Variants in PTPRD observed in about 807,000 individuals in gnomAD.
PTPRD encodes the protein receptor-type tyrosine-protein phosphatase delta.
A neutral mutation model predicts 214.5 loss-of-function variants in PTPRD; 34 were observed. The observed-to-expected ratio is 0.16, with a 90% CI of 0.12 to 0.21. The LOEUF (loss-of-function observed/expected upper bound fraction) is 0.21, where lower values mean the gene tolerates loss of function less well. PTPRD is among the 10% of genes least tolerant of loss of function. PTPRD has a pLI of 1.00. For missense variants in PTPRD, 2,545 were observed against 2,398.7 expected, an observed-to-expected ratio of 1.06 and a Z score of -1.27; for synonymous variants, 1,128 against 845.7, an observed-to-expected ratio of 1.33 and a Z score of -5.79.
At chr9:8,589,300 C>A (rs1305780149) in intron 14 of PTPRD, among the ~76,000 whole-genome samples, 1 of 152,110 alleles carries the variant, frequency 6.6e-6, no homozygotes, top group Admixed American at 6.5e-5. Flanking sequence ...AACCGATAAA[C>A]ACTAAAAGTC....
At chr9:8,690,037 G>C (rs568388328) in intron 12 of PTPRD, among the ~76,000 whole-genome samples, 51 of 151,480 alleles carry the variant, frequency 3.4e-4, no homozygotes, top group Admixed American at 5.9e-4. Context: ...AAGCCCAGGA[G>C]GGGGAGGTTG....
intron 14 of PTPRD, among the ~76,000 whole-genome samples, chr9:8,581,932 A>G: frequency 1.3e-5 from 2 of 148,318 alleles, no homozygotes; most frequent in African/African-American, 2.5e-5. Flanking sequence ...AAAAAAAAAA[A>G]AAAAAAAAAA....
intron 9 of PTPRD, among the ~76,000 whole-genome samples, chr9:9,352,637 A>C (rs890295630): frequency 6.6e-6 from 1 of 151,950 alleles, no homozygotes; most frequent in African/African-American, 2.4e-5. Context: ...AAGAAAAAGC[A>C]AACTCAGAAT....
intron 4 of PTPRD, among the ~76,000 whole-genome samples, chr9:10,000,200 T>C (rs1426592971): frequency 6.6e-6 from 1 of 152,170 alleles, no homozygotes; most frequent in South Asian, 2.1e-4. Context: ...TTTCTGGTAA[T>C]GTACATAAAC....
intron 12 of PTPRD, among the ~76,000 whole-genome samples, chr9:8,717,092 G>A (rs1434948398): frequency 6.6e-6 from 1 of 152,160 alleles, no homozygotes; most frequent in East Asian, 1.9e-4. Context: ...CCAGAAGGCA[G>A]GGGTTGCACC....
intron 33 of PTPRD, chr9:8,454,725 A>T: frequency 1.1e-6 from 1 of 920,916 alleles, no homozygotes; most frequent in Non-Finnish European, 1.7e-6. Context: ...ACTGACATAC[A>T]TTCAGAAGCG....
intron 11 of PTPRD, among the ~76,000 whole-genome samples, chr9:8,992,303 G>T (rs2099375761): frequency 6.6e-6 from 1 of 152,138 alleles, no homozygotes; most frequent in African/African-American, 2.4e-5. Context: ...CTCCATTCTT[G>T]AAATCTTGCT....
At chr9:8,440,899 T>A (rs1306689178) in intron 34 of PTPRD, among the ~76,000 whole-genome samples, 1 of 152,164 alleles carries the variant, frequency 6.6e-6, no homozygotes. Context: ...ACAAGAGGAC[T>A]CAAATCCAGA....
intron 4 of PTPRD, among the ~76,000 whole-genome samples, chr9:10,033,300 G>C (rs563109497): frequency 1.3e-5 from 2 of 151,596 alleles, no homozygotes; most frequent in Admixed American, 6.6e-5. Flanking sequence ...TTGACTTTAT[G>C]GCATAAAATG....
intron 3 of PTPRD, among the ~76,000 whole-genome samples, chr9:10,199,832 T>A (rs906276418): frequency 2.6e-5 from 4 of 151,608 alleles, no homozygotes; most frequent in Non-Finnish European, 5.9e-5. Context: ...AACATTGATA[T>A]CATTAAAGTA....
chr9:9,478,324 T>C lies in PTPRD; in HGVS notation c.-236-80842A>G, dbSNP rs113975368. On this transcript the variant is annotated intron_variant, in intron 8 of 45. Coordinates refer to ENST00000381196, the MANE Select transcript of PTPRD (RefSeq NM_002839.4). ...TAAAATGACAGCATCTTCTTAGTTCTGAAATGCCTTTAAGGTCTTGGATTC... is the reference window on the plus strand; with the variant it reads ...TAAAATGACAGCATCTTCTTAGTTCCGAAATGCCTTTAAGGTCTTGGATTC... Among the ~76,000 whole-genome samples the C allele has an allele frequency of 4.3e-3, 658 of 152,336 alleles. 3 individuals carry two copies. Among genetic ancestry groups the C allele is most frequent in the Middle Eastern group, 0.02 (6 of 294 alleles).
At chr9:8,921,429 G>T (rs879901815) in intron 11 of PTPRD, among the ~76,000 whole-genome samples, 1 of 151,982 alleles carries the variant, frequency 6.6e-6, no homozygotes, top group Non-Finnish European at 1.5e-5. Context: ...CCAGTTTCTG[G>T]ACTTATTAAA....
At chr9:8,577,350 G>A (rs2154246516) in intron 14 of PTPRD, among the ~76,000 whole-genome samples, 1 of 152,168 alleles carries the variant, frequency 6.6e-6, no homozygotes, top group East Asian at 1.9e-4. Flanking sequence ...CCGCCTCCTG[G>A]GTTCAAGCAA....
rs1046584072 is a variant in PTPRD at position 8,771,459 on chromosome 9, C to A, written c.-103-37513G>T. 2.6e-5 allele frequency among the ~76,000 whole-genome samples: 4 copies of A among 152,072 alleles called. No homozygotes were observed. The East Asian group carries it at 7.7e-4, about 29-fold the overall frequency. ...TGTGTGTCATGGTAAAACATGAAAT[C>A]TTTTTCCCACCAAAAACAGGTGACA... On this transcript the variant is annotated intron_variant, in intron 11 of 45. Transcript: ENST00000381196.
chr9:10,439,542 ACT>A (rs754908628), intron 2 of PTPRD, among the ~76,000 whole-genome samples: 5 of 151,462 alleles, frequency 3.3e-5, no homozygotes, highest in Non-Finnish European at 5.9e-5. Flanking sequence ...AGAATGAAAA[ACT>A]CTCTGAATTC....
At chr9:10,343,763 G>A (rs577219440) in intron 2 of PTPRD, among the ~76,000 whole-genome samples, 191 of 152,112 alleles carry the variant, frequency 1.3e-3, no homozygotes, top group African/African-American at 4.1e-3. Context: ...TCTGTTGGCT[G>A]CATAAATGTC....
intron 9 of PTPRD, among the ~76,000 whole-genome samples, chr9:9,392,767 T>G (rs572559433): frequency 1.3e-5 from 2 of 152,216 alleles, no homozygotes; most frequent in Non-Finnish European, 2.9e-5. Flanking sequence ...CAAATTTGTC[T>G]ATGATGTCTC....
At chr9:9,163,809 C>G (rs912036664) in intron 10 of PTPRD, among the ~76,000 whole-genome samples, 1 of 152,144 alleles carries the variant, frequency 6.6e-6, no homozygotes, top group Non-Finnish European at 1.5e-5. Context: ...ATACTGAACT[C>G]CCACCAGTTC....
At chr9:8,970,917 A>AAACAAAACAAAACAAAAC (rs1555626172) in intron 11 of PTPRD, among the ~76,000 whole-genome samples, 2 of 149,576 alleles carry the variant, frequency 1.3e-5, no homozygotes, top group African/African-American at 4.9e-5. Context: ...AAACAAAACA[A>AAACAAAACAAAACAAAAC]AACAACAACA....
Sources: gnomAD v4.1 joint callset for allele counts (sites outside exome capture counted in the v4.1 genomes callset) on GRCh38, gnomAD v4.1.1 for gene constraint, MANE v1.5 for transcripts, NCBI Gene and HGNC (gene_info 2026-07-23, HGNC 2026-07-21) for gene names.